The following MYT1L variants were observed in gnomAD, a reference collection of about 807,000 sequenced individuals.
MYT1L encodes myelin transcription factor 1-like protein.
In MYT1L, 12 loss-of-function variants were observed where a neutral mutation model predicts 126.7. That is an observed-to-expected ratio of 0.09 (90% CI 0.06 to 0.15). The LOEUF is 0.15. Among genes scored for constraint, MYT1L ranks in the 10% least tolerant of loss-of-function variants. MYT1L has a pLI of 1.00. For missense variants in MYT1L, 979 were observed against 1,585.2 expected (o/e 0.62, Z 6.49); for synonymous variants, 541 against 604.2 (o/e 0.90, Z 1.53).
chr2:2,267,121 A>T (rs1411305570), intron 2 of MYT1L, among the ~76,000 whole-genome samples: 1 of 152,204 alleles, frequency 6.6e-6, no homozygotes, highest in Non-Finnish European at 1.5e-5. Context: ...CAGATGCTGT[A>T]GGGGCAGGGC....
chr2:2,031,485 A>T (rs2066246245), intron 4 of MYT1L, among the ~76,000 whole-genome samples: 2 of 148,092 alleles, frequency 1.4e-5, no homozygotes, highest in Admixed American at 1.3e-4. Flanking sequence ...CCTGTGGCCC[A>T]AAGCAGATTC....
intron 3 of MYT1L, among the ~76,000 whole-genome samples, chr2:2,069,228 C>T (rs551265030): frequency 2.0e-5 from 3 of 152,186 alleles, no homozygotes; most frequent in South Asian, 4.2e-4. Flanking sequence ...TCCTAGCCCC[C>T]GACACCCTGA....
intron 14 of MYT1L, 63 bp from the exon 15 acceptor site, chr2:1,892,350 C>A: frequency 6.6e-7 from 1 of 1,509,134 alleles, no homozygotes; most frequent in Non-Finnish European, 8.9e-7. Context: ...AGACAGCACA[C>A]GGCAGGGCCT....
At chr2:2,088,557 G>C (rs1015727135) in intron 3 of MYT1L, among the ~76,000 whole-genome samples, 1 of 152,102 alleles carries the variant, frequency 6.6e-6, no homozygotes, top group Non-Finnish European at 1.5e-5. Flanking sequence ...GAGGCTGATG[G>C]AGCCTGTGGG....
At chr2:2,143,429 A>AC (rs1481368136) in intron 3 of MYT1L, among the ~76,000 whole-genome samples, 2 of 151,956 alleles carry the variant, frequency 1.3e-5, no homozygotes, top group African/African-American at 2.4e-5. Context: ...GCCTGCCTTC[A>AC]CCCCACATGG....
rs562680615 is a variant in MYT1L, at chr2:1,797,467, G to A, written c.3276+4229C>T. Among the ~76,000 whole-genome samples, 275 of 152,198 alleles carry A rather than the reference G, an allele frequency of 1.8e-3. 1 individual carries two copies. Among genetic ancestry groups the A allele is most frequent in the African/African-American group, 6.3e-3 (260 of 41,558 alleles). On this transcript the variant is annotated intron_variant, in intron 23 of 24. Coordinates refer to ENST00000647738, the MANE Select transcript of MYT1L (RefSeq NM_001303052.2). ...GATTTCCTGACCTCGTGATCTGCCC[G>A]CCTCGGCCTCCCAAAGTGCTGGGAT...
chr2:1,795,253 G>C (rs1037625152), intron 23 of MYT1L, among the ~76,000 whole-genome samples: 2 of 152,238 alleles, frequency 1.3e-5, no homozygotes, highest in African/African-American at 4.8e-5. Flanking sequence ...CTCACACTGA[G>C]ATGTGAGGCA....
chr2:1,934,918 T>G (rs929186813), intron 9 of MYT1L, among the ~76,000 whole-genome samples: 8 of 152,152 alleles, frequency 5.3e-5, no homozygotes, highest in African/African-American at 1.9e-4. Context: ...CAGAATGGGT[T>G]TGAGACACAG....
intron 21 of MYT1L, among the ~76,000 whole-genome samples, chr2:1,836,800 C>T (rs1416557072): frequency 6.6e-6 from 1 of 152,082 alleles, no homozygotes; most frequent in Non-Finnish European, 1.5e-5. Context: ...ATCCCATCAG[C>T]CTGCACCCCA....
intron 4 of MYT1L, among the ~76,000 whole-genome samples, chr2:2,000,489 G>C (rs1306017977): frequency 6.6e-6 from 1 of 152,160 alleles, no homozygotes; most frequent in African/African-American, 2.4e-5. Context: ...AAGAAGAGTT[G>C]GCCTGAGTGA....
At chr2:1,925,067 A>G (rs1333025310) in intron 9 of MYT1L, among the ~76,000 whole-genome samples, 2 of 152,226 alleles carry the variant, frequency 1.3e-5, no homozygotes, top group African/African-American at 4.8e-5. Context: ...CACTATGTCT[A>G]TGAAGACCCA....
At chr2:2,225,393 T>C (rs1203924999) in intron 2 of MYT1L, among the ~76,000 whole-genome samples, 1 of 152,116 alleles carries the variant, frequency 6.6e-6, no homozygotes, top group African/African-American at 2.4e-5. Context: ...AGGCAGCACC[T>C]ACCTACGTAC....
intron 14 of MYT1L, among the ~76,000 whole-genome samples, chr2:1,900,782 G>C (rs1194899133): frequency 6.6e-6 from 1 of 152,088 alleles, no homozygotes; most frequent in Non-Finnish European, 1.5e-5. Flanking sequence ...CATTTCCTTT[G>C]CTCTGTTTTC....
chr2:2,024,134 TACC>T (rs1275942924), intron 4 of MYT1L, among the ~76,000 whole-genome samples: 2 of 152,246 alleles, frequency 1.3e-5, no homozygotes, highest in African/African-American at 2.4e-5. Flanking sequence ...ATATTTTATC[TACC>T]TTCTGCCACT....
rs888503258 is a variant in MYT1L, at chr2:1,912,260, T to C, written c.1619-150A>G. ...ATGGGCATGGCCAGGAAAACACACA[T>C]GGGAGGAGAAAGAAGGTTGACTGGA... is the stretch of plus-strand genomic sequence containing the variant. On this transcript the variant is annotated intron_variant, in intron 11 of 24. Coordinates refer to ENST00000647738, the MANE Select transcript of MYT1L (RefSeq NM_001303052.2). This position sits in a 1 kb window ranked among gnomAD's most constrained non-coding sequence, Gnocchi z 4.3. 1.9e-6 allele frequency: 1 copy of C among 515,702 alleles called. No homozygotes were observed. The highest frequency in any genetic ancestry group is 3.4e-6 in the Non-Finnish European group (1 of 290,616). 31.9% of individuals were successfully genotyped at this position (515,702 alleles called of 1,614,324 possible).
intron 4 of MYT1L, among the ~76,000 whole-genome samples, chr2:2,040,158 T>C (rs1420610985): frequency 6.6e-6 from 1 of 152,212 alleles, no homozygotes; most frequent in Non-Finnish European, 1.5e-5. Flanking sequence ...CCTGGTGTTC[T>C]GGTTTAATAA....
At chr2:2,145,972 G>A (rs956534086) in intron 3 of MYT1L, among the ~76,000 whole-genome samples, 18 of 152,092 alleles carry the variant, frequency 1.2e-4, no homozygotes, top group African/African-American at 3.9e-4. Flanking sequence ...TGTTCCCCCC[G>A]ATCTCATGCC....
At chr2:2,150,817 G>A (rs1469615120) in intron 3 of MYT1L, among the ~76,000 whole-genome samples, 6 of 150,174 alleles carry the variant, frequency 4.0e-5, no homozygotes, top group Admixed American at 4.0e-4. Context: ...AGAAAGAGAG[G>A]GAGTGAAGAG....
chr2:1,870,958 C>T (rs2046203075), intron 18 of MYT1L, among the ~76,000 whole-genome samples: 1 of 152,162 alleles, frequency 6.6e-6, no homozygotes, highest in Admixed American at 6.5e-5. Context: ...TTCTGCTTTA[C>T]CCGCCCTGCC....
Sources: gnomAD v4.1 joint callset for allele counts (sites outside exome capture counted in the v4.1 genomes callset) on GRCh38, gnomAD v4.1.1 for gene constraint, Gnocchi (gnomAD v3.1) non-coding constraint, MANE v1.5 for transcripts, NCBI Gene and HGNC (gene_info 2026-07-23, HGNC 2026-07-21) for gene names.